The following DNAAF9 variants were observed in gnomAD, a reference collection of about 807,000 sequenced individuals.
DNAAF9 encodes dynein axonemal assembly factor 9, also known as shulin.
DNAAF9 carries 90 observed loss-of-function variants against 167.0 expected under a neutral mutation model. The observed-to-expected ratio is 0.54, with a 90% confidence interval of 0.45 to 0.64. The LOEUF is 0.64. DNAAF9 is among the 30% of genes least tolerant of loss of function. DNAAF9 has a pLI of 0.00. For missense variants in DNAAF9, 1,315 were observed against 1,442.2 expected, an observed-to-expected ratio of 0.91 and a Z score of 1.43; for synonymous variants, 491 against 508.8, an observed-to-expected ratio of 0.96 and a Z score of 0.47.
chr20:3,383,929 G>C (rs1199863252), intron 1 of DNAAF9, among the ~76,000 whole-genome samples: 2 of 151,774 alleles, frequency 1.3e-5, no homozygotes, highest in African/African-American at 2.4e-5. Context: ...CCCCCAAGTA[G>C]CTGGGATTAC....
chr20:3,364,984 C>A (rs1410642957), intron 6 of DNAAF9, among the ~76,000 whole-genome samples: 1 of 149,836 alleles, frequency 6.7e-6, no homozygotes, highest in African/African-American at 2.5e-5. Flanking sequence ...CCTTCTGTCA[C>A]CCAGGCTGGA....
intron 22 of DNAAF9, 37 bp downstream of exon 22, chr20:3,297,992 A>G (rs1315775137): frequency 1.9e-6 from 3 of 1,545,846 alleles, no homozygotes; most frequent in Non-Finnish European, 2.7e-6. Flanking sequence ...GGGAAAAAAA[A>G]GTAGTAGTAG....
intron 35 of DNAAF9, 115 bp from the exon 36 acceptor site, chr20:3,253,934 G>C (rs1307720943): frequency 3.0e-6 from 2 of 656,922 alleles, no homozygotes; most frequent in Non-Finnish European, 5.4e-6. Flanking sequence ...CTATACAGAG[G>C]AGCTAGGAAG....
Position 3,407,342 on chromosome 20 carries a change from C to G in DNAAF9, c.83+133G>C, listed in dbSNP as rs1412880961. ...GGCGCCGTTCCTGGGAAAAATTCCTCCCTGAGCCGTTCAGCAAAGAACCGT... is the reference window on the plus strand; with the variant it reads ...GGCGCCGTTCCTGGGAAAAATTCCTGCCTGAGCCGTTCAGCAAAGAACCGT... On this transcript the variant is annotated intron_variant, in intron 1 of 36. Transcript: ENST00000252032. 1.1e-5 allele frequency: 8 copies of G among 761,670 alleles called. No individual in the cohort carries two copies. In the East Asian group the frequency reaches 2.9e-4, roughly 27 times the overall value. The allele number at this position is 761,670 out of a possible 1,614,324, so 47.2% of individuals were successfully genotyped here.
Position 3,318,290 on chromosome 20 carries a change from C to G in DNAAF9, c.1467G>C (p.Lys489Asn). The G allele has an allele frequency of 7.1e-7, 1 of 1,411,112 alleles. No homozygotes were observed. Among genetic ancestry groups the G allele is most frequent in the Non-Finnish European group, 1.0e-6 (1 of 999,358 alleles). 87.4% of individuals were successfully genotyped at this position (1,411,112 alleles called of 1,614,324 possible). Residue 489 changes from lysine to asparagine, a missense_variant and splice_region_variant, in exon 17 of 37, where the codon AAG becomes AAC. Coordinates refer to ENST00000252032, the MANE Select transcript of DNAAF9 (RefSeq NM_001009984.3). ...FLTSQILVKE[K>N]DGTVTTETSS... ...TTTCTAAAGATCACATATACTTACC[C>G]TTTTCTTTAACTAAGATCTGAGAAG...
intron 10 of DNAAF9, among the ~76,000 whole-genome samples, chr20:3,335,925 C>A (rs536535576): frequency 1.3e-5 from 2 of 152,036 alleles, no homozygotes; most frequent in African/African-American, 2.4e-5. Context: ...GAGTTCAAGA[C>A]CAGCCTGGCC....
chr20:3,294,493 AAT>A, intron 24 of DNAAF9, 33 bp downstream of exon 24: 1 of 1,409,998 alleles, frequency 7.1e-7, no homozygotes, highest in Non-Finnish European at 1.0e-6. Context: ...CAAAAGCCAG[AAT>A]ATTAAACATC....
chr20:3,255,120 T>C (rs758050947), intron 35 of DNAAF9, 99 bp downstream of exon 35: 10 of 722,536 alleles, frequency 1.4e-5, no homozygotes, highest in Non-Finnish European at 2.2e-5. Context: ...CAGCATGTCC[T>C]ACAAACAGCT....
chr20:3,337,813 A>G (rs2069992284), intron 10 of DNAAF9, among the ~76,000 whole-genome samples: 1 of 151,648 alleles, frequency 6.6e-6, no homozygotes, highest in African/African-American at 2.4e-5. Context: ...GCTGCCACTC[A>G]CTCATCTACA....
At chr20:3,340,454 C>CCCCCCCCCCCCCCCCCCCCCCCAA in intron 10 of DNAAF9, 50 bp downstream of exon 10, 1 of 1,053,078 alleles carries the variant, frequency 9.5e-7, no homozygotes, top group African/African-American at 1.6e-5. Context: ...ACCCCACCCC[C>CCCCCCCCCCCCCCCCCCCCCCCAA]ACAACTTGAT....
At chr20:3,349,836 T>A (rs1213052719) in intron 7 of DNAAF9, among the ~76,000 whole-genome samples, 1 of 152,210 alleles carries the variant, frequency 6.6e-6, no homozygotes, top group African/African-American at 2.4e-5. Flanking sequence ...TTGAAGTTGC[T>A]AATAATTTGT....
At chr20:3,383,018 G>T (rs1201877614) in intron 1 of DNAAF9, among the ~76,000 whole-genome samples, 3 of 152,164 alleles carry the variant, frequency 2.0e-5, no homozygotes, top group Non-Finnish European at 4.4e-5. Flanking sequence ...TGTCAGCAGA[G>T]AATACTTGCT....
chr20:3,340,440 A>G lies in DNAAF9; in HGVS notation c.981+64T>C. On this transcript the variant is annotated intron_variant, in intron 10 of 36. Transcript: ENST00000252032. ...AGGTTCTTTTTGTCTAGCTCCCCCC[A>G]CCCACCCCACCCCCACAACTTGATA... 1.6e-5 allele frequency: 2 copies of G among 124,214 alleles called. 1 individual carries two copies. The highest frequency in any genetic ancestry group is 3.5e-5 in the Non-Finnish European group (2 of 57,822). 7.7% of individuals were successfully genotyped at this position (124,214 alleles called of 1,614,324 possible).
intron 6 of DNAAF9, among the ~76,000 whole-genome samples, chr20:3,361,436 A>C (rs1279913027): frequency 6.6e-6 from 1 of 152,150 alleles, no homozygotes; most frequent in Admixed American, 6.5e-5. Context: ...AAGCCTTCAC[A>C]TCTACTCTAA....
At chr20:3,288,973 T>G (rs536795368) in intron 26 of DNAAF9, among the ~76,000 whole-genome samples, 2 of 152,238 alleles carry the variant, frequency 1.3e-5, no homozygotes, top group African/African-American at 4.8e-5. Flanking sequence ...CTCCCCTAGA[T>G]AGCTACATGG....
chr20:3,402,750 C>G (rs239480), intron 1 of DNAAF9, among the ~76,000 whole-genome samples: 58,056 of 151,654 alleles, frequency 0.38, 11,456 homozygotes, highest in Middle Eastern at 0.55. Flanking sequence ...GCTAATTTTT[C>G]TTTTTTTGAA....
chr20:3,393,893 C>T (rs2123282745), intron 1 of DNAAF9, among the ~76,000 whole-genome samples: 2 of 152,344 alleles, frequency 1.3e-5, no homozygotes, highest in Non-Finnish European at 2.9e-5. Flanking sequence ...TGAGTTACAA[C>T]TCACACTTCC....
intron 7 of DNAAF9, among the ~76,000 whole-genome samples, chr20:3,350,156 G>GACACACAGACACAC (rs2070291283): frequency 3.3e-5 from 3 of 89,902 alleles, no homozygotes; most frequent in Non-Finnish European, 7.1e-5. Flanking sequence ...CAGACACACA[G>GACACACAGACACAC]ACACACACAC....
intron 2 of DNAAF9, 55 bp downstream of exon 2, chr20:3,382,372 A>C (rs1484215037): frequency 7.3e-7 from 1 of 1,364,024 alleles, no homozygotes; most frequent in Non-Finnish European, 1.0e-6. Context: ...CTTCCTGTGA[A>C]CAAAAAAAGC....
Sources: allele counts gnomAD v4.1 joint callset (sites outside exome capture counted in the v4.1 genomes callset), GRCh38; gene constraint gnomAD v4.1.1; transcripts MANE v1.5; gene names NCBI Gene and HGNC (gene_info 2026-07-23, HGNC 2026-07-21).